Variants in ERG observed in about 807,000 individuals in gnomAD.
ERG encodes the protein ETS transcription factor ERG, also known as transcriptional regulator ERG.
ERG carries 9 observed loss-of-function variants against 55.3 expected under a neutral mutation model. The ratio of observed to expected loss-of-function variants is 0.16; its 90% CI spans 0.10 to 0.28. The LOEUF (loss-of-function observed/expected upper bound fraction) is 0.28. Ranked by LOEUF, ERG falls within the 10% of genes least tolerant of loss-of-function variation. The pLI, the probability that ERG is intolerant of heterozygous loss-of-function variation, is 1.00. For missense variants in ERG, 434 were observed against 631.6 expected (o/e 0.69, Z 3.35); for synonymous variants, 223 against 237.3 (o/e 0.94, Z 0.55).
intron 3 of ERG, among the ~76,000 whole-genome samples, chr21:38,420,307 TG>T (rs1569083667): frequency 4.0e-5 from 6 of 151,254 alleles, no homozygotes; most frequent in African/African-American, 1.5e-4. Flanking sequence ...TGTGTGCGTG[TG>T]TGTGTGTGTG....
intron 1 of ERG, among the ~76,000 whole-genome samples, chr21:38,623,298 A>C (rs1277886384): frequency 2.1e-5 from 3 of 144,350 alleles, no homozygotes; most frequent in Non-Finnish European, 4.5e-5. Context: ...CACTCCACCC[A>C]CACACCACAC....
chr21:38,558,510 T>C (rs1050564337), intron 2 of ERG, among the ~76,000 whole-genome samples: 5 of 152,310 alleles, frequency 3.3e-5, no homozygotes, highest in African/African-American at 1.2e-4. Context: ...AGTCAAACAT[T>C]AGTGTGTGTG....
At chr21:38,475,931 ACAT>A (rs1417799166) in intron 1 of ERG, among the ~76,000 whole-genome samples, 15 of 152,208 alleles carry the variant, frequency 9.9e-5, no homozygotes. Context: ...GGATAAAAAG[ACAT>A]TGCCTTTCTG....
rs1262204830 is a variant in ERG at position 38,403,678 on chromosome 21, C to T, written c.420G>A (p.Arg140=). 6.2e-7 allele frequency: 1 copy of T among 1,614,074 alleles called. No individual in the cohort carries two copies. The highest frequency in any genetic ancestry group is 1.3e-5 in the African/African-American group (1 of 74,930). ...DPTLWSTDHV[R]QWLEWAVKEY... ...CTTTCACCGCCCACTCCAGCCACTG[C>T]CGCACATGGTCTGTACTCCATAGCG... The change falls in exon 4 of 10, where the codon CGG becomes CGA. Residue 140 remains arginine (R), a synonymous_variant. Coordinates refer to ENST00000288319, the MANE Select transcript of ERG (RefSeq NM_182918.4).
intron 2 of ERG, among the ~76,000 whole-genome samples, chr21:38,537,006 T>C (rs1358732371): frequency 6.6e-6 from 1 of 152,128 alleles, no homozygotes; most frequent in African/African-American, 2.4e-5. Context: ...ATTGCATATA[T>C]GGTCTGATAA....
At chr21:38,437,760 T>C (rs528749259) in intron 2 of ERG, among the ~76,000 whole-genome samples, 57 of 152,246 alleles carry the variant, frequency 3.7e-4, no homozygotes, top group Admixed American at 7.8e-4. Flanking sequence ...TAATTCCACC[T>C]TCCAACTATA....
intron 1 of ERG, among the ~76,000 whole-genome samples, chr21:38,466,300 GGTGTGTGTGTGT>G (rs145670035): frequency 2.8e-5 from 4 of 140,684 alleles, no homozygotes; most frequent in South Asian, 2.4e-4. Flanking sequence ...GATGGTCTGG[GGTGTGTGTGTGT>G]GTGTGTGTGT....
chr21:38,651,821 C>T (rs1035325623), intron 1 of ERG, among the ~76,000 whole-genome samples: 1 of 152,302 alleles, frequency 6.6e-6, no homozygotes, highest in South Asian at 2.1e-4. Context: ...TCTCAGCATC[C>T]GCCTGCCTGG....
chr21:38,495,798 G>T (rs918428725), intron 1 of ERG, among the ~76,000 whole-genome samples: 1 of 152,118 alleles, frequency 6.6e-6, no homozygotes, highest in South Asian at 2.1e-4. Flanking sequence ...AAGCACAATC[G>T]AGTTTTCAGT....
intron 6 of ERG, among the ~76,000 whole-genome samples, chr21:38,394,980 C>T (rs1379699547): frequency 1.3e-5 from 2 of 152,126 alleles, no homozygotes; most frequent in Non-Finnish European, 2.9e-5. Flanking sequence ...TATTTTGAAA[C>T]TCTTTATTCA....
chr21:38,653,898 T>C (rs2060502739), intron 1 of ERG, among the ~76,000 whole-genome samples: 1 of 152,248 alleles, frequency 6.6e-6, no homozygotes, highest in South Asian at 2.1e-4. Context: ...AATGTAATGC[T>C]TAATTTTGCA....
intron 1 of ERG, among the ~76,000 whole-genome samples, chr21:38,475,989 C>A (rs2059183554): frequency 6.6e-6 from 1 of 152,124 alleles, no homozygotes; most frequent in African/African-American, 2.4e-5. Flanking sequence ...AGAAAGGAAG[C>A]TACTTGTTAT....
intron 9 of ERG, among the ~76,000 whole-genome samples, chr21:38,388,066 T>C (rs1238558204): frequency 6.6e-6 from 1 of 152,236 alleles, no homozygotes; most frequent in East Asian, 1.9e-4. Context: ...GACTGCACAC[T>C]GCCACCTCCT....
At chr21:38,504,048 A>T (rs1163423048) in intron 2 of ERG, among the ~76,000 whole-genome samples, 1 of 152,048 alleles carries the variant, frequency 6.6e-6, no homozygotes, top group African/African-American at 2.4e-5. Context: ...GTGGGGGGGT[A>T]GGGGAGTGCC....
intron 9 of ERG, among the ~76,000 whole-genome samples, chr21:38,384,729 T>A (rs1761978236): frequency 6.6e-6 from 1 of 151,586 alleles, no homozygotes; most frequent in Non-Finnish European, 1.5e-5. Flanking sequence ...AGAATGGAAG[T>A]AAACACCATT....
intron 1 of ERG, among the ~76,000 whole-genome samples, chr21:38,626,384 G>A (rs1368772708): frequency 1.3e-5 from 2 of 152,172 alleles, no homozygotes; most frequent in Non-Finnish European, 2.9e-5. Flanking sequence ...AGAGAAGTAC[G>A]GAAAGTAAGA....
At chr21:38,443,674 T>G (rs1422722854) in intron 2 of ERG, among the ~76,000 whole-genome samples, 1 of 151,982 alleles carries the variant, frequency 6.6e-6, no homozygotes, top group Non-Finnish European at 1.5e-5. Flanking sequence ...TATTTACATG[T>G]AATCATTAAT....
chr21:38,636,651 C>T (rs2060390949), intron 1 of ERG, among the ~76,000 whole-genome samples: 1 of 152,154 alleles, frequency 6.6e-6, no homozygotes, highest in Non-Finnish European at 1.5e-5. Flanking sequence ...GAAGAATGTA[C>T]TCTGGCCCCT....
At chr21:38,639,832 C>T (rs1350580505) in intron 1 of ERG, among the ~76,000 whole-genome samples, 1 of 152,154 alleles carries the variant, frequency 6.6e-6, no homozygotes, top group Non-Finnish European at 1.5e-5. Context: ...ATGTGAAGAA[C>T]TACACCAACC....
Sources: gnomAD v4.1 joint callset for allele counts (sites outside exome capture counted in the v4.1 genomes callset) on GRCh38, gnomAD v4.1.1 for gene constraint, MANE v1.5 for transcripts, NCBI Gene and HGNC (gene_info 2026-07-23, HGNC 2026-07-21) for gene names.